IGF2BP2: variants seen among roughly 807,000 people sequenced by gnomAD.
The protein encoded by IGF2BP2 is insulin-like growth factor 2 mRNA-binding protein 2.
IGF2BP2 carries 17 observed loss-of-function variants against 75.8 expected under a neutral mutation model. That is an observed-to-expected ratio of 0.22 (90% CI 0.15 to 0.34). The LOEUF (loss-of-function observed/expected upper bound fraction) is 0.34, where lower values mean the gene tolerates loss of function less well. Among genes scored for constraint, IGF2BP2 ranks in the 10% least tolerant of loss-of-function variants. The pLI is 1.00. For missense variants in IGF2BP2, 516 were observed against 772.4 expected, an observed-to-expected ratio of 0.67 and a Z score of 3.93; for synonymous variants, 288 against 295.6, an observed-to-expected ratio of 0.97 and a Z score of 0.26.
intron 2 of IGF2BP2, among the ~76,000 whole-genome samples, chr3:185,754,803 T>A (rs1731397828): frequency 6.6e-6 from 1 of 152,068 alleles, no homozygotes; most frequent in South Asian, 2.1e-4. Flanking sequence ...AATTTAAGAG[T>A]GATGACACTT....
chr3:185,689,315 C>G (rs776345819), intron 6 of IGF2BP2, 40 bp downstream of exon 6: 3 of 1,594,796 alleles, frequency 1.9e-6, no homozygotes, highest in Non-Finnish European at 2.6e-6. Flanking sequence ...ACGCAGGGGA[C>G]CCCTCAGAAG....
chr3:185,687,809 A>C (rs1206252687), intron 6 of IGF2BP2, among the ~76,000 whole-genome samples: 5 of 152,250 alleles, frequency 3.3e-5, no homozygotes, highest in Middle Eastern at 3.2e-3. Context: ...TCAAAATTAC[A>C]TAACTGATTA....
In IGF2BP2 at chr3:185,657,503, A is replaced by G. The variant is rs1715643536; in HGVS notation, c.1270-101T>C. 3 of 865,896 alleles carry G rather than the reference A, an allele frequency of 3.5e-6. No individual in the cohort carries two copies. In the African/African-American group the frequency reaches 5.0e-5, roughly 14 times the overall value. 53.6% of individuals were successfully genotyped at this position (865,896 alleles called of 1,614,324 possible). A position where few individuals can be genotyped will look rare whatever the true frequency, so the allele number is the denominator to read the frequency against. On this transcript the variant is annotated intron_variant, in intron 11 of 15. Transcript: ENST00000382199. ...ACCTTACCATGAACCCCATGGTGGGAAGGCCCCGCCACCCAAGGAAATGGC... is the reference window on the plus strand; with the variant it reads ...ACCTTACCATGAACCCCATGGTGGGGAGGCCCCGCCACCCAAGGAAATGGC...
intron 10 of IGF2BP2, among the ~76,000 whole-genome samples, chr3:185,669,097 G>A (rs552027748): frequency 1.4e-4 from 22 of 152,126 alleles, no homozygotes; most frequent in African/African-American, 4.3e-4. Flanking sequence ...ATCAGACTGC[G>A]AGGAATTGGT....
intron 2 of IGF2BP2, among the ~76,000 whole-genome samples, chr3:185,792,458 A>AAT (rs1560477704): frequency 0.015 from 2,185 of 149,358 alleles, 47 homozygotes; most frequent in African/African-American, 0.048. Context: ...TACAAAAATT[A>AAT]TTTTTTTTTT....
At chr3:185,797,800 G>A (rs569776221) in intron 2 of IGF2BP2, among the ~76,000 whole-genome samples, 2 of 151,576 alleles carry the variant, frequency 1.3e-5, no homozygotes, top group African/African-American at 4.8e-5. Flanking sequence ...AGCTACTGAG[G>A]AGGCTGAGGT....
intron 7 of IGF2BP2, among the ~76,000 whole-genome samples, chr3:185,677,022 G>GAGATATATATATAT (rs1719524865): frequency 1.8e-5 from 1 of 56,056 alleles, no homozygotes; most frequent in Non-Finnish European, 3.4e-5. Context: ...TATATATGGA[G>GAGATATATATATAT]AGAGATATAT....
intron 2 of IGF2BP2, chr3:185,713,507 A>G (rs1283124601): frequency 1.9e-6 from 1 of 519,844 alleles, no homozygotes; most frequent in Non-Finnish European, 3.9e-6. Context: ...GATAGACTCC[A>G]AAGGCAGGGG....
At chr3:185,818,797 TG>T (rs1310257673) in intron 2 of IGF2BP2, among the ~76,000 whole-genome samples, 1 of 152,190 alleles carries the variant, frequency 6.6e-6, no homozygotes, top group Admixed American at 6.5e-5. Context: ...ATAGCTTTTC[TG>T]ACTTTTAATA....
At chr3:185,735,870 A>G (rs1476805372) in intron 2 of IGF2BP2, among the ~76,000 whole-genome samples, 4 of 152,216 alleles carry the variant, frequency 2.6e-5, no homozygotes, top group Non-Finnish European at 5.9e-5. Context: ...TTGTTGAATG[A>G]GTGAATGAAT....
intron 2 of IGF2BP2, among the ~76,000 whole-genome samples, chr3:185,731,701 G>A (rs1474741223): frequency 1.3e-5 from 2 of 152,018 alleles, no homozygotes; most frequent in African/African-American, 4.8e-5. Flanking sequence ...TTGGCCAGGC[G>A]CAGTGGCTCA....
Position 185,675,879 on chromosome 3 carries a change from T to C in IGF2BP2, c.847A>G (p.Asn283Asp), listed in dbSNP as rs758144621. 1.2e-6 allele frequency: 2 copies of C among 1,613,924 alleles called. No individual in the cohort carries two copies. Among genetic ancestry groups the C allele is most frequent in the Admixed American group, 1.7e-5 (1 of 59,998 alleles). ...EEIPLKILAHNGLVGRLIGKE... is the reference protein window; with the variant it reads ...EEIPLKILAHDGLVGRLIGKE... ...CCAATCAGTCTTCCAACCAAGCCAT[T>C]GTGTGCCAAGATTTTCAGAGGAATC... The change falls in exon 8 of 16, where the codon AAT (asparagine) becomes GAT (aspartate). Residue 283 changes from asparagine to aspartate, a missense_variant. Coordinates refer to ENST00000382199, the MANE Select transcript of IGF2BP2 (RefSeq NM_006548.6).
intron 10 of IGF2BP2, among the ~76,000 whole-genome samples, chr3:185,666,679 TAA>T (rs1279753679): frequency 1.3e-5 from 2 of 151,860 alleles, no homozygotes; most frequent in African/African-American, 4.8e-5. Flanking sequence ...TTGAGAGAAA[TAA>T]CCACAAGTTT....
chr3:185,729,065 C>T (rs1293070176), intron 2 of IGF2BP2, among the ~76,000 whole-genome samples: 2 of 152,090 alleles, frequency 1.3e-5, no homozygotes, highest in Non-Finnish European at 2.9e-5. Flanking sequence ...AAGCCAGCTT[C>T]ACTTAAAACT....
chr3:185,644,429 ATTGG>A lies in IGF2BP2; in HGVS notation c.*1098_*1101del, dbSNP rs1380644777. The A allele has an allele frequency of 1.3e-5, 2 of 152,216 alleles. No individual in the cohort carries two copies. Among genetic ancestry groups the A allele is most frequent in the Non-Finnish European group, 2.9e-5 (2 of 67,988 alleles). 9.4% of individuals were successfully genotyped at this position (152,216 alleles called of 1,614,324 possible). A position where few individuals can be genotyped will look rare whatever the true frequency, so the allele number is the denominator to read the frequency against. ...GTGGAATTTTTTCTTTGTTTGGTTG[ATTGG>A]TTGGTTTGGTGGGTTCCTGTTTTCC... On this transcript the variant is annotated 3_prime_UTR_variant, in exon 16 of 16. Coordinates refer to ENST00000382199, the MANE Select transcript of IGF2BP2 (RefSeq NM_006548.6).
At chr3:185,822,852 AG>A (rs1477309068) in intron 2 of IGF2BP2, among the ~76,000 whole-genome samples, 1 of 99,184 alleles carries the variant, frequency 1.0e-5, no homozygotes, top group Non-Finnish European at 2.0e-5. Flanking sequence ...TAGGGGCGGG[AG>A]GTGGGGGTGG....
At chr3:185,741,169 G>A (rs1159386727) in intron 2 of IGF2BP2, among the ~76,000 whole-genome samples, 1 of 152,124 alleles carries the variant, frequency 6.6e-6, no homozygotes, top group Non-Finnish European at 1.5e-5. Flanking sequence ...CACTGTGCCC[G>A]GCCGCATATT....
chr3:185,797,696 G>A (rs1388891169), intron 2 of IGF2BP2, among the ~76,000 whole-genome samples: 1 of 151,974 alleles, frequency 6.6e-6, no homozygotes, highest in Non-Finnish European at 1.5e-5. Context: ...CTGGGCCCAG[G>A]AGTTCGAGAC....
intron 2 of IGF2BP2, among the ~76,000 whole-genome samples, chr3:185,760,926 C>G (rs989070239): frequency 1.3e-5 from 2 of 152,124 alleles, no homozygotes; most frequent in African/African-American, 4.8e-5. Flanking sequence ...AGTATTCAAC[C>G]TTAATTTTCC....
Sources: gnomAD v4.1 joint callset for allele counts (sites outside exome capture counted in the v4.1 genomes callset) on GRCh38, gnomAD v4.1.1 for gene constraint, MANE v1.5 for transcripts, NCBI Gene and HGNC (gene_info 2026-07-23, HGNC 2026-07-21) for gene names.